ANXA13: variants seen among roughly 807,000 people sequenced by gnomAD.
ANXA13 encodes annexin XIII.
Under a neutral mutation model 46.6 loss-of-function variants are expected in ANXA13, and 36 were observed. The observed-to-expected ratio is 0.77, with a 90% CI of 0.59 to 1.02. The LOEUF (loss-of-function observed/expected upper bound fraction) is 1.02, where lower values mean the gene tolerates loss of function less well. ANXA13 is among the 50% of genes least tolerant of loss of function. The pLI is 0.00. For missense variants in ANXA13, 417 were observed against 396.5 expected (o/e 1.05, Z -0.44); for synonymous variants, 163 against 152.9 (o/e 1.07, Z -0.49).
At chr8:123,693,366 C>T (rs1302565643) in intron 7 of ANXA13, 68 bp from the exon 8 acceptor site, 1 of 1,344,872 alleles carries the variant, frequency 7.4e-7, no homozygotes. Context: ...AGTGCTGTGA[C>T]TAGGCCTCAC....
chr8:123,708,628 G>C (rs1813592624), intron 2 of ANXA13, among the ~76,000 whole-genome samples: 1 of 152,252 alleles, frequency 6.6e-6, no homozygotes, highest in Admixed American at 6.5e-5. Context: ...GCAAGTCACT[G>C]CTTCCCACTT....
intron 9 of ANXA13, among the ~76,000 whole-genome samples, chr8:123,686,202 G>A (rs763829895): frequency 1.4e-4 from 21 of 152,160 alleles, no homozygotes; most frequent in Non-Finnish European, 2.6e-4. Flanking sequence ...GCCAGGCATG[G>A]TGGCTCACAC....
intron 1 of ANXA13, chr8:123,735,732 T>TG (rs372116424): frequency 1.2e-6 from 2 of 1,601,844 alleles, no homozygotes; most frequent in African/African-American, 1.3e-5. Context: ...ACCTATGATT[T>TG]GGGGGGAAAA....
At position 123,684,572 on chromosome 8, in the gene ANXA13, A is replaced by C. The variant is rs369744539; in HGVS notation, c.831+38T>G. 3 of 1,392,074 alleles carry C rather than the reference A, an allele frequency of 2.2e-6. No homozygotes were observed. In the African/African-American group the frequency reaches 4.3e-5, roughly 20 times the overall value. The allele number at this position is 1,392,074 out of a possible 1,614,324, so 86.2% of individuals were successfully genotyped here. The stretch of plus-strand genomic sequence containing the variant: ...TGACATCAGTGGTGGAAAAAAGAGA[A>C]GTTGCAGCCGCCTCTTTGGAGTCGG... On this transcript the variant is annotated intron_variant, in intron 10 of 10. Transcript: ENST00000419625.
chr8:123,723,565 T>C (rs1813927579), intron 1 of ANXA13, among the ~76,000 whole-genome samples: 1 of 152,122 alleles, frequency 6.6e-6, no homozygotes, highest in Non-Finnish European at 1.5e-5. Context: ...TCCTCCCAAC[T>C]CTGCTTGGCG....
chr8:123,691,815 A>C (rs1813248297), intron 8 of ANXA13, among the ~76,000 whole-genome samples: 1 of 152,188 alleles, frequency 6.6e-6, no homozygotes, highest in Admixed American at 6.5e-5. Context: ...AGTGATGCTG[A>C]TGGTGCTGTT....
At chr8:123,712,480 T>C (rs1261455134) in intron 2 of ANXA13, 198 bp downstream of exon 2, 5 of 597,538 alleles carry the variant, frequency 8.4e-6, no homozygotes, top group African/African-American at 7.4e-5. Context: ...AGCTGTTATA[T>C]AGAATCCTGA....
chr8:123,726,794 G>T (rs540545126), intron 1 of ANXA13, among the ~76,000 whole-genome samples: 5 of 152,304 alleles, frequency 3.3e-5, no homozygotes, highest in Non-Finnish European at 5.9e-5. Context: ...TAAAAGTGTG[G>T]AACCAACCCA....
At chr8:123,692,316 G>A (rs534820475) in intron 8 of ANXA13, among the ~76,000 whole-genome samples, 2 of 152,148 alleles carry the variant, frequency 1.3e-5, no homozygotes, top group African/African-American at 4.8e-5. Flanking sequence ...ATAGTTGTTC[G>A]GCCTACATTA....
At chr8:123,731,900 C>A (rs1814125736) in intron 1 of ANXA13, among the ~76,000 whole-genome samples, 1 of 151,960 alleles carries the variant, frequency 6.6e-6, no homozygotes, top group Non-Finnish European at 1.5e-5. Flanking sequence ...AACAAAAAAC[C>A]CAGATGGTTC....
At chr8:123,683,251 G>A (rs1813071809) in intron 10 of ANXA13, among the ~76,000 whole-genome samples, 2 of 151,812 alleles carry the variant, frequency 1.3e-5, no homozygotes, top group African/African-American at 2.4e-5. Context: ...TTGTGGAGGA[G>A]GAGAAAGGAG....
intron 3 of ANXA13, among the ~76,000 whole-genome samples, chr8:123,699,505 C>T (rs1813404715): frequency 6.6e-6 from 1 of 152,180 alleles, no homozygotes; most frequent in Non-Finnish European, 1.5e-5. Context: ...CTGACAAGCA[C>T]CTGTCTTCCT....
At chr8:123,708,552 C>G (rs1020767378) in intron 2 of ANXA13, among the ~76,000 whole-genome samples, 1 of 152,186 alleles carries the variant, frequency 6.6e-6, no homozygotes, top group Non-Finnish European at 1.5e-5. Context: ...CCTCATTTCT[C>G]CTTTGGAAAT....
At chr8:123,735,528 C>T (rs1044702962) in intron 1 of ANXA13, among the ~76,000 whole-genome samples, 4 of 152,172 alleles carry the variant, frequency 2.6e-5, no homozygotes, top group Admixed American at 2.0e-4. Context: ...GTTAATGAGA[C>T]ACTGTTGGGA....
intron 1 of ANXA13, among the ~76,000 whole-genome samples, chr8:123,719,572 A>G (rs1441588853): frequency 6.6e-6 from 1 of 152,206 alleles, no homozygotes; most frequent in Non-Finnish European, 1.5e-5. Flanking sequence ...AGGAGTTGAC[A>G]TTTGTGCTGG....
chr8:123,704,957 C>G (rs1813513083), intron 2 of ANXA13, among the ~76,000 whole-genome samples: 2 of 152,230 alleles, frequency 1.3e-5, no homozygotes, highest in Non-Finnish European at 2.9e-5. Flanking sequence ...GATCTTATTT[C>G]CAGCTGCCTG....
intron 2 of ANXA13, chr8:123,712,352 G>A: frequency 3.3e-6 from 1 of 305,474 alleles, no homozygotes; most frequent in South Asian, 4.8e-5. Context: ...CCCCACCTCG[G>A]GTATGTCTTT....
At position 123,690,719 on chromosome 8, in the gene ANXA13, G is replaced by A. The variant is rs1586314193; in HGVS notation, c.643-1773C>T. Among the ~76,000 whole-genome samples the A allele has an allele frequency of 6.6e-6, 1 of 152,346 alleles. No individual in the cohort carries two copies. Among genetic ancestry groups the A allele is most frequent in the East Asian group, 1.9e-4 (1 of 5,194 alleles). On this transcript the variant is annotated intron_variant, in intron 8 of 10. Coordinates refer to ENST00000419625, the MANE Select transcript of ANXA13 (RefSeq NM_004306.4). This position sits in a 1 kb window ranked among gnomAD's most constrained non-coding sequence, Gnocchi z 4.6. ...AAGTCTCTAAGACTCTAGTTAAACAGGCAGCAATGCCTGCAGGGAGGTTAT... is the reference window on the plus strand; with the variant it reads ...AAGTCTCTAAGACTCTAGTTAAACAAGCAGCAATGCCTGCAGGGAGGTTAT...
chr8:123,719,308 T>C (rs544994051), intron 1 of ANXA13, among the ~76,000 whole-genome samples: 1 of 152,346 alleles, frequency 6.6e-6, no homozygotes, highest in African/African-American at 2.4e-5. Context: ...GAATTATTTT[T>C]CCCTCTCTTT....
Sources: allele counts gnomAD v4.1 joint callset (sites outside exome capture counted in the v4.1 genomes callset), GRCh38; gene constraint gnomAD v4.1.1; non-coding constraint Gnocchi (gnomAD v3.1); transcripts MANE v1.5; gene names NCBI Gene and HGNC (gene_info 2026-07-23, HGNC 2026-07-21).